The following IL17RC variants were observed in gnomAD, a reference collection of about 807,000 sequenced individuals.
IL17RC encodes the protein interleukin 17 receptor C.
In IL17RC, 53 loss-of-function variants were observed where a neutral mutation model predicts 86.7. That is an observed-to-expected ratio of 0.61 (90% CI 0.49 to 0.77). IL17RC has a LOEUF of 0.77. Ranked by LOEUF, IL17RC falls within the 30% of genes least tolerant of loss-of-function variation. The probability of loss-of-function intolerance (pLI) is 0.00; values close to 1 mark genes in which losing one functional copy is unlikely to be tolerated. For missense variants in IL17RC, 957 were observed against 940.0 expected, an observed-to-expected ratio of 1.02 and a Z score of -0.24; for synonymous variants, 439 against 413.1, an observed-to-expected ratio of 1.06 and a Z score of -0.76.
In IL17RC at chr3:9,928,325, C is replaced by T. The variant is rs1472267933; in HGVS notation, c.898C>T (p.Leu300Phe). 3.1e-6 allele frequency: 5 copies of T among 1,604,272 alleles called. No homozygotes were observed. The highest frequency in any genetic ancestry group is 2.7e-5 in the African/African-American group (2 of 74,690). The stretch of plus-strand genomic sequence containing the variant: ...TGCAGACCCCCGCGCACACCAGAAC[C>T]TCTGGCAAGCCGCCCGACTGCAACT... ...FREDPRAHQN[L>F]WQAARLQLLT... The change falls in exon 11 of 19, where the codon CTC becomes TTC. Residue 300 changes from leucine (L) to phenylalanine (F), a missense_variant. By Grantham distance (22) the Leu-to-Phe change is conservative. Coordinates refer to ENST00000403601, the MANE Select transcript of IL17RC (RefSeq NM_153460.4).
intron 12 of IL17RC, 38 bp from the exon 13 acceptor site, chr3:9,929,814 T>A: frequency 6.2e-7 from 1 of 1,613,696 alleles, no homozygotes; most frequent in Non-Finnish European, 8.5e-7. Flanking sequence ...TGGCTTTTGC[T>A]TTTCTTAGTG....
At chr3:9,927,902 T>C (rs903645320) in intron 9 of IL17RC, among the ~76,000 whole-genome samples, 14 of 151,812 alleles carry the variant, frequency 9.2e-5, no homozygotes, top group Admixed American at 5.3e-4. Context: ...TGAGCCAAGA[T>C]TGCACCACTG....
intron 9 of IL17RC, among the ~76,000 whole-genome samples, chr3:9,926,031 C>CT (rs5846649): frequency 6.6e-4 from 59 of 89,756 alleles, no homozygotes; most frequent in African/African-American, 2.3e-3. Context: ...TAATTGTTTC[C>CT]TTTTTTTTTT....
chr3:9,931,583 T>C (rs950210296), intron 16 of IL17RC, among the ~76,000 whole-genome samples: 12 of 151,236 alleles, frequency 7.9e-5, no homozygotes, highest in African/African-American at 2.9e-4. Context: ...CTCGGCTAAC[T>C]GCAACCTCTG....
At chr3:9,920,435 C>T (rs2083444379) in intron 5 of IL17RC, 56 bp from the exon 6 acceptor site, 2 of 1,085,990 alleles carry the variant, frequency 1.8e-6, no homozygotes, top group South Asian at 1.3e-5. Context: ...TCCCACAGCC[C>T]TTGGCCTGGA....
chr3:9,928,215 G>C lies in IL17RC; in HGVS notation c.872G>C (p.Arg291Thr). The change falls in exon 10 of 19, where the codon AGG becomes ACG. Residue 291 changes from arginine to threonine, a missense_variant. Physicochemically the swap from Arg to Thr is moderately conservative, Grantham distance 71 (BLOSUM62 -1). Coordinates refer to ENST00000403601, the MANE Select transcript of IL17RC (RefSeq NM_153460.4). Reference protein sequence around the residue: ...DSVRTNICPFREDPRAHQNLW... With the variant: ...DSVRTNICPFTEDPRAHQNLW... ...GTTAGGACGAACATCTGCCCCTTCA[G>C]GGAGGGTGAGCCGACCGGCCTGGGG... 1 of 1,611,830 alleles carries C rather than the reference G, an allele frequency of 6.2e-7. No individual in the cohort carries two copies. The highest frequency in any genetic ancestry group is 8.5e-7 in the Non-Finnish European group (1 of 1,179,850).
At chr3:9,924,397 G>A (rs2083871894) in intron 9 of IL17RC, 106 bp downstream of exon 9, 1 of 1,184,486 alleles carries the variant, frequency 8.4e-7, no homozygotes, top group Non-Finnish European at 1.2e-6. Flanking sequence ...TCATTGAGGT[G>A]GAGACTGTGG....
chr3:9,929,652 A>AT (rs369824738), intron 12 of IL17RC, 200 bp from the exon 13 acceptor site: 1 of 670,538 alleles, frequency 1.5e-6, no homozygotes, highest in African/African-American at 1.8e-5. Context: ...AAGACGCTTT[A>AT]TACAGATGAT....
chr3:9,928,109 G>A, intron 9 of IL17RC, 57 bp from the exon 10 acceptor site: 4 of 1,548,586 alleles, frequency 2.6e-6, no homozygotes, highest in Non-Finnish European at 3.6e-6. Context: ...CTGTCCAGCA[G>A]AGGGCCAGGC....
Position 9,917,350 on chromosome 3 carries a change from TG to T in IL17RC, c.38del (p.Gly13AlafsTer60). The T allele has an allele frequency of 6.2e-7, 1 of 1,614,082 alleles. No homozygotes were observed. Among genetic ancestry groups the T allele is most frequent in the Non-Finnish European group, 8.5e-7 (1 of 1,179,994 alleles). ...PVPWFLLSLALGRSPVVLSLE... is the reference protein window; with the variant it reads ...PVPWFLLSLAXGRSPVVLSLE... ...CCCTGGTTCTTGCTGTCCTTGGCACTGGGCCGAAGCCCAGTGGTCCTTTCTC... is the reference window on the plus strand; with the variant it reads ...CCCTGGTTCTTGCTGTCCTTGGCACTGGCCGAAGCCCAGTGGTCCTTTCTC... On this transcript the variant is annotated frameshift_variant, in exon 1 of 19. Coordinates refer to ENST00000403601, the MANE Select transcript of IL17RC (RefSeq NM_153460.4). LOFTEE classifies it high-confidence loss of function.
rs149543872 is a variant in IL17RC, at chr3:9,924,641, G to A, written c.822+350G>A. Among the ~76,000 whole-genome samples, 538 of 152,332 alleles carry A rather than the reference G, an allele frequency of 3.5e-3. 1 individual carries two copies. Among genetic ancestry groups the A allele is most frequent in the African/African-American group, 0.012 (499 of 41,580 alleles). ...TGGACTGGTTTGAATCTTGGCTCTTGCCATTTGCTAGCTGTGTAACCTTGG... is the reference window on the plus strand; with the variant it reads ...TGGACTGGTTTGAATCTTGGCTCTTACCATTTGCTAGCTGTGTAACCTTGG... On this transcript the variant is annotated intron_variant, in intron 9 of 18. Coordinates refer to ENST00000403601, the MANE Select transcript of IL17RC (RefSeq NM_153460.4).
intron 6 of IL17RC, 96 bp from the exon 7 acceptor site, chr3:9,920,829 G>C (rs2083477069): frequency 2.1e-6 from 2 of 945,710 alleles, no homozygotes; most frequent in East Asian, 5.0e-5. Context: ...TAGGGGATGG[G>C]GAGCCATTCC....
At position 9,920,984 on chromosome 3, in the gene IL17RC, C is replaced by A; in HGVS notation, c.622+15C>A. The A allele has an allele frequency of 6.4e-7, 1 of 1,552,564 alleles. No homozygotes were observed. Among genetic ancestry groups the A allele is most frequent in the Non-Finnish European group, 8.7e-7 (1 of 1,148,084 alleles). On this transcript the variant is annotated intron_variant, in intron 7 of 18. Coordinates refer to ENST00000403601, the MANE Select transcript of IL17RC (RefSeq NM_153460.4). Reference sequence around the variant, plus strand: ...GAGCTGCTGGGGTAGGGGCTAGGGCCAGTGGGCCGGGGGTAGGGAGGGGCA... The same window carrying A: ...GAGCTGCTGGGGTAGGGGCTAGGGCAAGTGGGCCGGGGGTAGGGAGGGGCA...
At chr3:9,921,984 G>C (rs1258588540) in intron 7 of IL17RC, among the ~76,000 whole-genome samples, 1 of 103,932 alleles carries the variant, frequency 9.6e-6, no homozygotes, top group Non-Finnish European at 1.8e-5. Context: ...GCGGAATCTT[G>C]CTCTGTCGCC....
chr3:9,932,414 G>C (rs1305801133), intron 16 of IL17RC, among the ~76,000 whole-genome samples, 194 bp from the exon 17 acceptor site: 4 of 152,104 alleles, frequency 2.6e-5, no homozygotes, highest in Admixed American at 6.5e-5. Flanking sequence ...TTTTAGTAGA[G>C]ACGGGGTTTC....
chr3:9,929,971 A>AGTCCC, intron 13 of IL17RC, 57 bp from the exon 14 acceptor site: 31 of 1,613,616 alleles, frequency 1.9e-5, no homozygotes, highest in Non-Finnish European at 2.6e-5. Context: ...GAGGCAGGCA[A>AGTCCC]GTGGCCAATC....
At chr3:9,917,820 T>TC (rs2083219923) in intron 2 of IL17RC, 86 bp downstream of exon 2, 1 of 1,607,810 alleles carries the variant, frequency 6.2e-7, no homozygotes, top group African/African-American at 1.3e-5. Flanking sequence ...CATGCCCACC[T>TC]CAGCCTAGGA....
At chr3:9,931,075 A>G in intron 16 of IL17RC, 132 bp downstream of exon 16, 2 of 787,202 alleles carry the variant, frequency 2.5e-6, no homozygotes, top group Non-Finnish European at 4.5e-6. Flanking sequence ...TCATTCCTTC[A>G]TTCACTCAAA....
Position 9,923,903 on chromosome 3 carries a change from A to G in IL17RC, c.645A>G (p.Ser215=). 1 of 1,614,150 alleles carries G rather than the reference A, an allele frequency of 6.2e-7. No homozygotes were observed. Among genetic ancestry groups the G allele is most frequent in the South Asian group, 1.1e-5 (1 of 91,082 alleles). Residue 215 remains serine, a synonymous_variant, in exon 8 of 19, where the codon TCA becomes TCG. Transcript: ENST00000403601. The part of the protein sequence containing the change: ...SCWALPWLNV[S]ADGDNVHLVL... ...CAGCCCTGCCCTGGCTCAACGTGTC[A>G]GCAGATGGTGACAACGTGCATCTGG...
Sources: allele counts gnomAD v4.1 joint callset (sites outside exome capture counted in the v4.1 genomes callset), GRCh38; gene constraint gnomAD v4.1.1; transcripts MANE v1.5; gene names NCBI Gene and HGNC (gene_info 2026-07-23, HGNC 2026-07-21).